KCNB2: variants seen among roughly 807,000 people sequenced by gnomAD.
KCNB2 encodes the protein potassium voltage-gated channel subfamily B member 2, also known as delayed rectifier potassium channel protein.
Under a neutral mutation model 61.5 loss-of-function variants are expected in KCNB2, and 15 were observed. The observed-to-expected ratio is 0.24, with a 90% CI of 0.16 to 0.38. KCNB2 has a LOEUF of 0.38. Ranked by LOEUF, KCNB2 falls within the 10% of genes least tolerant of loss-of-function variation. The pLI, the probability that KCNB2 is intolerant of heterozygous loss-of-function variation, is 1.00. For synonymous variants in KCNB2, 457 were observed against 446.0 expected, an observed-to-expected ratio of 1.02 and a Z score of -0.31; for missense variants, 828 against 1,125.2, an observed-to-expected ratio of 0.74 and a Z score of 3.78.
intron 1 of KCNB2, among the ~76,000 whole-genome samples, chr8:72,552,740 C>T (rs931963975): frequency 6.6e-6 from 1 of 152,174 alleles, no homozygotes; most frequent in Non-Finnish European, 1.5e-5. Context: ...TCCACTGGCA[C>T]TGTTCTTTAT....
intron 2 of KCNB2, among the ~76,000 whole-genome samples, chr8:72,820,923 G>T (rs1316122467): frequency 6.6e-6 from 1 of 152,070 alleles, no homozygotes; most frequent in Middle Eastern, 3.2e-3. Flanking sequence ...AAAGTCCAGG[G>T]CATATTTTCA....
intron 2 of KCNB2, among the ~76,000 whole-genome samples, chr8:72,716,401 C>G (rs1433152347): frequency 6.6e-6 from 1 of 152,074 alleles, no homozygotes; most frequent in East Asian, 1.9e-4. Context: ...AACATTGATG[C>G]AAAAATCCTC....
At chr8:72,715,209 A>C (rs1031735106) in intron 2 of KCNB2, among the ~76,000 whole-genome samples, 5 of 152,098 alleles carry the variant, frequency 3.3e-5, no homozygotes, top group Non-Finnish European at 5.9e-5. Context: ...CACAATAATA[A>C]TGGGAGACTT....
intron 2 of KCNB2, among the ~76,000 whole-genome samples, chr8:72,684,033 C>T (rs971049075): frequency 1.3e-5 from 2 of 152,090 alleles, no homozygotes; most frequent in Non-Finnish European, 2.9e-5. Flanking sequence ...GCAGTGGGCA[C>T]ATTAGAAGGT....
At chr8:72,730,801 C>A (rs952290593) in intron 2 of KCNB2, among the ~76,000 whole-genome samples, 38 of 152,030 alleles carry the variant, frequency 2.5e-4, no homozygotes, top group Non-Finnish European at 4.3e-4. Flanking sequence ...TACTGAAGAC[C>A]AGCCAACTTG....
At chr8:72,739,477 C>A (rs978882410) in intron 2 of KCNB2, among the ~76,000 whole-genome samples, 1 of 151,894 alleles carries the variant, frequency 6.6e-6, no homozygotes. Flanking sequence ...GGCACAAAAC[C>A]TTTTAGGGAA....
rs536424834 is a variant in KCNB2 at position 72,913,914 on chromosome 8, T to C, written c.580-22021T>C. Among the ~76,000 whole-genome samples the C allele has an allele frequency of 3.9e-5, 6 of 152,374 alleles. No individual in the cohort carries two copies. In the East Asian group the frequency reaches 1.2e-3, roughly 29 times the overall value. On this transcript the variant is annotated intron_variant, in intron 2 of 2. Transcript: ENST00000523207. ...AGATTGTACTTTGAATATTGTACTT[T>C]CCTAAGTTTTGACTAGGAGAAAGAG...
intron 2 of KCNB2, among the ~76,000 whole-genome samples, chr8:72,706,486 G>T (rs573512878): frequency 6.6e-6 from 1 of 152,270 alleles, no homozygotes; most frequent in South Asian, 2.1e-4. Flanking sequence ...CAGGCATCAG[G>T]ATTGCTGTTT....
intron 1 of KCNB2, among the ~76,000 whole-genome samples, chr8:72,563,702 A>G (rs1213934498): frequency 2.0e-5 from 3 of 152,088 alleles, no homozygotes; most frequent in African/African-American, 7.2e-5. Context: ...GCAAGCAGAA[A>G]GGCTCAGTGA....
At chr8:72,610,773 A>G (rs902982516) in intron 2 of KCNB2, among the ~76,000 whole-genome samples, 2 of 152,330 alleles carry the variant, frequency 1.3e-5, no homozygotes, top group Admixed American at 1.3e-4. Flanking sequence ...AACTATTATA[A>G]TGAGTAAATT....
At chr8:72,906,382 G>A (rs1212677725) in intron 2 of KCNB2, among the ~76,000 whole-genome samples, 5 of 152,146 alleles carry the variant, frequency 3.3e-5, no homozygotes, top group African/African-American at 9.7e-5. Flanking sequence ...AGAGGTTTGG[G>A]TCACCTTCAT....
intron 2 of KCNB2, among the ~76,000 whole-genome samples, chr8:72,699,762 A>G (rs1246299299): frequency 1.3e-5 from 2 of 152,124 alleles, no homozygotes; most frequent in Non-Finnish European, 2.9e-5. Flanking sequence ...ATTTTAAGTT[A>G]ATCATTGTGG....
chr8:72,773,049 C>T (rs1314568522), intron 2 of KCNB2, among the ~76,000 whole-genome samples: 1 of 152,156 alleles, frequency 6.6e-6, no homozygotes, highest in Non-Finnish European at 1.5e-5. Flanking sequence ...GGGAATTTTT[C>T]ATAATAATCC....
intron 1 of KCNB2, among the ~76,000 whole-genome samples, chr8:72,559,817 T>G (rs771228907): frequency 6.6e-6 from 1 of 152,106 alleles, no homozygotes; most frequent in Non-Finnish European, 1.5e-5. Flanking sequence ...CAAATAATAG[T>G]GAGGTGGAAT....
chr8:72,699,423 C>G (rs1434663096), intron 2 of KCNB2, among the ~76,000 whole-genome samples: 1 of 141,264 alleles, frequency 7.1e-6, no homozygotes, highest in Non-Finnish European at 1.5e-5. Flanking sequence ...TACTCTTTGC[C>G]CACTTTTTGA....
chr8:72,744,741 A>G (rs1313429001), intron 2 of KCNB2, among the ~76,000 whole-genome samples: 1 of 152,134 alleles, frequency 6.6e-6, no homozygotes, highest in African/African-American at 2.4e-5. Context: ...GAGAGAAAAC[A>G]CAAGTGCCAA....
intron 2 of KCNB2, among the ~76,000 whole-genome samples, chr8:72,579,621 G>A (rs186586508): frequency 1.5e-3 from 222 of 152,136 alleles, no homozygotes; most frequent in Non-Finnish European, 5.9e-4. Context: ...TTTACTTTCC[G>A]CTTTCTCGTA....
At chr8:72,727,814 A>G (rs1401554795) in intron 2 of KCNB2, among the ~76,000 whole-genome samples, 1 of 152,228 alleles carries the variant, frequency 6.6e-6, no homozygotes, top group Non-Finnish European at 1.5e-5. Context: ...TTTATATAAG[A>G]AGGAAATAGA....
At chr8:72,583,933 A>G (rs2128980733) in intron 2 of KCNB2, among the ~76,000 whole-genome samples, 1 of 145,960 alleles carries the variant, frequency 6.9e-6, no homozygotes, top group Non-Finnish European at 1.5e-5. Context: ...TTCAACAGTT[A>G]CAACAATAGA....
Sources: gnomAD v4.1 joint callset for allele counts (sites outside exome capture counted in the v4.1 genomes callset) on GRCh38, gnomAD v4.1.1 for gene constraint, MANE v1.5 for transcripts, NCBI Gene and HGNC (gene_info 2026-07-23, HGNC 2026-07-21) for gene names.